The following HIGD1A variants were observed in gnomAD, a reference collection of about 807,000 sequenced individuals.
HIGD1A encodes the protein HIG1 hypoxia inducible domain family member 1A.
In HIGD1A, 8 loss-of-function variants were observed where a neutral mutation model predicts 11.3. That is an observed-to-expected ratio of 0.71 (90% confidence interval 0.42 to 1.28). The LOEUF (loss-of-function observed/expected upper bound fraction) is 1.28, where lower values mean the gene tolerates loss of function less well. HIGD1A is among the 50% of genes most tolerant of loss of function. The pLI, the probability that HIGD1A is intolerant of heterozygous loss-of-function variation, is 0.01. For missense variants in HIGD1A, 107 were observed against 118.8 expected (o/e 0.90, Z 0.46); for synonymous variants, 32 against 38.4 (o/e 0.83, Z 0.62).
chr3:42,785,306 T>C lies in HIGD1A; in HGVS notation c.247A>G (p.Met83Val), dbSNP rs375545770. The part of the protein sequence containing the change: ...GAMTVGMGYS[M>V]YREFWAKPKP Reference sequence around the variant, plus strand: ...GGTTTTGCCCAGAATTCCCGATACATGGAATAGCCCATACCTAAAGAAAAA... The same window carrying C: ...GGTTTTGCCCAGAATTCCCGATACACGGAATAGCCCATACCTAAAGAAAAA... The change falls in exon 4 of 4, where the codon ATG becomes GTG. Residue 83 changes from methionine (M) to valine (V), a missense_variant. Met to Val is a conservative substitution (Grantham distance 21, BLOSUM62 1). Transcript: ENST00000321331. The C allele has an allele frequency of 1.2e-6, 2 of 1,610,664 alleles. No individual in the cohort carries two copies. The highest frequency in any genetic ancestry group is 1.3e-5 in the African/African-American group (1 of 74,954).
At position 42,788,856 on chromosome 3, in the gene HIGD1A, C is replaced by T. The variant is rs1262875192; in HGVS notation, c.98-2694G>A. On this transcript the variant is annotated intron_variant, in intron 2 of 3. Transcript: ENST00000321331. ...TCCTGCCACTGCACTCCAGCCTGGG[C>T]GACAGAGCGGGACTGTCTCCAAAAA... 5.3e-5 allele frequency among the ~76,000 whole-genome samples: 8 copies of T among 149,810 alleles called. No homozygotes were observed. The South Asian group carries it at 6.4e-4, about 12-fold the overall frequency.
At chr3:42,788,253 A>T (rs538276610) in intron 2 of HIGD1A, among the ~76,000 whole-genome samples, 1 of 152,332 alleles carries the variant, frequency 6.6e-6, no homozygotes, top group African/African-American at 2.4e-5. Flanking sequence ...AGAGATTTTT[A>T]AAAATAAGAG....
At chr3:42,790,632 G>A (rs947794795) in intron 2 of HIGD1A, among the ~76,000 whole-genome samples, 2 of 152,124 alleles carry the variant, frequency 1.3e-5, no homozygotes, top group Non-Finnish European at 2.9e-5. Flanking sequence ...TCTAGACCTA[G>A]AGAAAACAAT....
At chr3:42,786,449 T>C (rs1397185966) in intron 2 of HIGD1A, among the ~76,000 whole-genome samples, 2 of 152,226 alleles carry the variant, frequency 1.3e-5, no homozygotes, top group Non-Finnish European at 2.9e-5. Context: ...ACCTAGATTA[T>C]GATTATCAGA....
chr3:42,801,428 C>G (rs143647001), intron 1 of HIGD1A, among the ~76,000 whole-genome samples: 87 of 152,340 alleles, frequency 5.7e-4, no homozygotes, highest in African/African-American at 2.0e-3. Flanking sequence ...TAGAATCCTT[C>G]AAGTCAGGGA....
chr3:42,788,132 G>C (rs920941128), intron 2 of HIGD1A, among the ~76,000 whole-genome samples: 2 of 152,016 alleles, frequency 1.3e-5, no homozygotes, highest in Non-Finnish European at 2.9e-5. Context: ...AATAAAAACA[G>C]TACTGGTTCT....
intron 1 of HIGD1A, among the ~76,000 whole-genome samples, chr3:42,795,723 G>GAAAA (rs35403872): frequency 7.0e-6 from 1 of 142,090 alleles, no homozygotes; most frequent in African/African-American, 2.6e-5. Context: ...AAGGGGATAG[G>GAAAA]AAAAAAAAAA....
intron 3 of HIGD1A, 126 bp from the exon 4 acceptor site, chr3:42,785,446 AC>A: frequency 2.8e-6 from 2 of 712,542 alleles, no homozygotes; most frequent in Non-Finnish European, 4.9e-6. Flanking sequence ...GGGGAATAAG[AC>A]CCTAGGAAGC....
At chr3:42,787,594 A>AAAAAATATATAT (rs1383516264) in intron 2 of HIGD1A, among the ~76,000 whole-genome samples, 1 of 141,250 alleles carries the variant, frequency 7.1e-6, no homozygotes, top group Admixed American at 7.5e-5. Flanking sequence ...CCATCTCAAA[A>AAAAAATATATAT]ATATATATAT....
At chr3:42,785,954 A>C in intron 3 of HIGD1A, 74 bp downstream of exon 3, 2 of 1,400,932 alleles carry the variant, frequency 1.4e-6, no homozygotes, top group Non-Finnish European at 2.0e-6. Context: ...TCAGCTAAAA[A>C]TATTTACCTA....
intron 1 of HIGD1A, 155 bp downstream of exon 1, chr3:42,804,281 G>A (rs1015961723): frequency 3.6e-6 from 5 of 1,371,572 alleles, no homozygotes; most frequent in African/African-American, 1.5e-5. Flanking sequence ...GGCCGGGCCT[G>A]AGCCCCGGCA....
intron 1 of HIGD1A, among the ~76,000 whole-genome samples, chr3:42,801,265 G>A (rs1026117710): frequency 4.6e-5 from 7 of 152,204 alleles, no homozygotes; most frequent in Non-Finnish European, 8.8e-5. Flanking sequence ...GCCACTGGGT[G>A]CCACCATACT....
At position 42,785,322 on chromosome 3, in the gene HIGD1A, T is replaced by C; in HGVS notation, c.233-2A>G. 6.2e-7 allele frequency: 1 copy of C among 1,606,774 alleles called. No individual in the cohort carries two copies. The highest frequency in any genetic ancestry group is 8.5e-7 in the Non-Finnish European group (1 of 1,175,880). ...CCCGATACATGGAATAGCCCATACCTAAAGAAAAAGAATGCTAGTTAAGCA... is the reference window on the plus strand; with the variant it reads ...CCCGATACATGGAATAGCCCATACCCAAAGAAAAAGAATGCTAGTTAAGCA... On this transcript the variant is annotated splice_acceptor_variant, in intron 3 of 3. Coordinates refer to ENST00000321331, the MANE Select transcript of HIGD1A (RefSeq NM_014056.4). LOFTEE classifies it high-confidence loss of function.
At chr3:42,804,179 G>A in intron 1 of HIGD1A, 2 of 1,610,492 alleles carry the variant, frequency 1.2e-6, no homozygotes, top group Non-Finnish European at 1.7e-6. Flanking sequence ...CACTCCACAA[G>A]CTTCTGCTCC....
intron 1 of HIGD1A, among the ~76,000 whole-genome samples, chr3:42,799,711 C>T (rs1035540245): frequency 6.6e-6 from 1 of 152,106 alleles, no homozygotes; most frequent in Non-Finnish European, 1.5e-5. Flanking sequence ...CCGCCTCAGC[C>T]TCCCAAAGTG....
chr3:42,788,702 T>G (rs1195881579), intron 2 of HIGD1A, among the ~76,000 whole-genome samples: 1 of 151,758 alleles, frequency 6.6e-6, no homozygotes, highest in African/African-American at 2.4e-5. Flanking sequence ...GCCAAAATGG[T>G]GAAACCCCGT....
rs1700297465 is a variant in HIGD1A at position 42,782,926 on chromosome 3, T to A, written c.*2345A>T. ...TTTAGGCTTCTCTATAGCAATACTT[T>A]AATATTCCAAAGAAAAATATGAACT... On this transcript the variant is annotated 3_prime_UTR_variant, in exon 4 of 4. Coordinates refer to ENST00000321331, the MANE Select transcript of HIGD1A (RefSeq NM_014056.4). Among the ~76,000 whole-genome samples the A allele has an allele frequency of 6.6e-6, 1 of 152,250 alleles. No homozygotes were observed. The highest frequency in any genetic ancestry group is 2.4e-5 in the African/African-American group (1 of 41,462).
At chr3:42,790,054 GA>G (rs544702859) in intron 2 of HIGD1A, among the ~76,000 whole-genome samples, 2 of 151,838 alleles carry the variant, frequency 1.3e-5, no homozygotes, top group East Asian at 1.9e-4. Context: ...AAAGAGATAA[GA>G]AAAAAAAGTT....
intron 2 of HIGD1A, among the ~76,000 whole-genome samples, chr3:42,792,787 C>T (rs926222173): frequency 6.6e-6 from 1 of 151,774 alleles, no homozygotes; most frequent in African/African-American, 2.4e-5. Flanking sequence ...CGAGACCAGC[C>T]TGGCCAACAT....
Sources: allele counts gnomAD v4.1 joint callset (sites outside exome capture counted in the v4.1 genomes callset), GRCh38; gene constraint gnomAD v4.1.1; transcripts MANE v1.5; gene names NCBI Gene and HGNC (gene_info 2026-07-23, HGNC 2026-07-21).